LRRTM3: variants seen among roughly 807,000 people sequenced by gnomAD.
LRRTM3 encodes the protein leucine-rich repeat transmembrane neuronal protein 3.
LRRTM3 carries 24 observed loss-of-function variants against 44.7 expected under a neutral mutation model. The ratio of observed to expected loss-of-function variants is 0.54; its 90% confidence interval spans 0.39 to 0.76. The LOEUF is 0.76. Ranked by LOEUF, LRRTM3 falls within the 30% of genes least tolerant of loss-of-function variation. The probability of loss-of-function intolerance (pLI) is 0.00; values close to 1 mark genes in which losing one functional copy is unlikely to be tolerated. For missense variants in LRRTM3, 587 were observed against 702.2 expected (o/e 0.84, Z 1.85); for synonymous variants, 277 against 278.7 (o/e 0.99, Z 0.06).
Position 66,926,596 on chromosome 10 carries a change from T to G in LRRTM3, c.4+9T>G. ...AACAATACAAAGGATGGGTATGTTT[T>G]GTCATTTTTCTTCTTTCCTTCTTAA... On this transcript the variant is annotated intron_variant, in intron 1 of 2. Transcript: ENST00000361320. The G allele has an allele frequency of 6.2e-7, 1 of 1,614,032 alleles. No homozygotes were observed. Among genetic ancestry groups the G allele is most frequent in the Non-Finnish European group, 8.5e-7 (1 of 1,180,002 alleles).
At chr10:67,094,121 A>G (rs1205620118) in intron 2 of LRRTM3, among the ~76,000 whole-genome samples, 1 of 152,022 alleles carries the variant, frequency 6.6e-6, no homozygotes, top group Admixed American at 6.6e-5. Context: ...TACAAACAAT[A>G]TATGTAATAT....
chr10:67,041,574 A>G (rs1268408682), intron 2 of LRRTM3, among the ~76,000 whole-genome samples: 1 of 152,138 alleles, frequency 6.6e-6, no homozygotes, highest in African/African-American at 2.4e-5. Context: ...TGACTGGCTC[A>G]TAAAAGCAAT....
intron 2 of LRRTM3, among the ~76,000 whole-genome samples, chr10:66,993,335 C>T (rs2132944285): frequency 6.6e-6 from 1 of 152,274 alleles, no homozygotes; most frequent in South Asian, 2.1e-4. Flanking sequence ...AAAGCCACCT[C>T]TGCCTTATTC....
chr10:67,068,679 TATC>T (rs949823499), intron 2 of LRRTM3, among the ~76,000 whole-genome samples: 2 of 152,164 alleles, frequency 1.3e-5, no homozygotes, highest in African/African-American at 4.8e-5. Flanking sequence ...TAAAATGAGT[TATC>T]AACAGCAAAT....
chr10:66,963,362 G>T (rs911934670), intron 2 of LRRTM3, among the ~76,000 whole-genome samples: 93 of 152,254 alleles, frequency 6.1e-4, no homozygotes, highest in African/African-American at 2.1e-3. Flanking sequence ...TTTGCTTGTA[G>T]TATGGAAAAT....
chr10:67,088,735 AATT>A (rs1857447823), intron 2 of LRRTM3, among the ~76,000 whole-genome samples: 1 of 152,166 alleles, frequency 6.6e-6, no homozygotes, highest in South Asian at 2.1e-4. Flanking sequence ...CCACTAAAAG[AATT>A]ATTATTATGT....
At position 66,926,986 on chromosome 10, in the gene LRRTM3, C is replaced by A. The variant is rs1461090208; in HGVS notation, c.70C>A (p.Leu24Met). 1 of 1,614,140 alleles carries A rather than the reference C, an allele frequency of 6.2e-7. No individual in the cohort carries two copies. Among genetic ancestry groups the A allele is most frequent in the Admixed American group, 1.7e-5 (1 of 60,018 alleles). ...VALVIAPTVL[L>M]TMLSSAERGC... ...ACTGGTTATAGCCCCCACTGTCTTA[C>A]TGACAATGCTTTCTTCTGCCGAACG... Residue 24 changes from leucine to methionine, a missense_variant, in exon 2 of 3, where the codon CTG becomes ATG. This residue lies in a region of LRRTM3 where 50 missense variants were observed against 43.4 expected (regional missense o/e 1.15). Transcript: ENST00000361320.
Position 66,976,702 on chromosome 10 carries a change from TTCG to T in LRRTM3, c.1536+48253_1536+48255del, listed in dbSNP as rs1330458031. On this transcript the variant is annotated intron_variant, in intron 2 of 2. Coordinates refer to ENST00000361320, the MANE Select transcript of LRRTM3 (RefSeq NM_178011.5). ...CTGCCACACTGATCTATTTACTTTCTTCGTCAATACAATTTTATTCTCTGAACT... is the reference window on the plus strand; with the variant it reads ...CTGCCACACTGATCTATTTACTTTCTTCAATACAATTTTATTCTCTGAACT... Among the ~76,000 whole-genome samples the T allele has an allele frequency of 2.0e-5, 3 of 152,234 alleles. No individual in the cohort carries two copies. In the East Asian group the frequency reaches 5.8e-4, roughly 29 times the overall value.
At chr10:66,999,364 A>G (rs1179117532) in intron 2 of LRRTM3, among the ~76,000 whole-genome samples, 1 of 152,130 alleles carries the variant, frequency 6.6e-6, no homozygotes, top group African/African-American at 2.4e-5. Flanking sequence ...TCAAGAAAAA[A>G]CTTGGGATTC....
intron 2 of LRRTM3, among the ~76,000 whole-genome samples, chr10:66,995,806 C>T (rs1175429199): frequency 6.6e-6 from 1 of 152,170 alleles, no homozygotes; most frequent in Non-Finnish European, 1.5e-5. Flanking sequence ...AGGTCTAATA[C>T]AAGCATTACT....
chr10:66,959,658 C>T (rs1161293112), intron 2 of LRRTM3, among the ~76,000 whole-genome samples: 2 of 152,130 alleles, frequency 1.3e-5, no homozygotes, highest in African/African-American at 4.8e-5. Context: ...TGTGCCAATG[C>T]CCCCATTCTA....
In LRRTM3 at chr10:66,928,127, C is replaced by A. The variant is rs747748916; in HGVS notation, c.1211C>A (p.Pro404His). ...CCCCCGACGGTGGGAGCCACAGAGC[C>A]CGGCCCAGAGACCGATGCTGACGCC... ...PLPPTVGATE[P>H]GPETDADAEH... The change falls in exon 2 of 3, where the codon CCC becomes CAC. Residue 404 changes from proline to histidine, a missense_variant. By Grantham distance (77) the Pro-to-His change is moderately conservative. Around this residue, in one of 3 missense-constraint regions of LRRTM3, gnomAD observed 315 missense variants for 335.6 expected, o/e 0.94. Coordinates refer to ENST00000361320, the MANE Select transcript of LRRTM3 (RefSeq NM_178011.5). 1.2e-6 allele frequency: 2 copies of A among 1,613,948 alleles called. No homozygotes were observed. Among genetic ancestry groups the A allele is most frequent in the South Asian group, 1.1e-5 (1 of 91,064 alleles).
intron 2 of LRRTM3, among the ~76,000 whole-genome samples, chr10:67,054,431 A>G (rs565847359): frequency 1.3e-5 from 2 of 152,288 alleles, no homozygotes; most frequent in East Asian, 1.9e-4. Flanking sequence ...CACCAAGTCA[A>G]TCTGAGCTTC....
chr10:66,933,481 G>A (rs1211624400), intron 2 of LRRTM3, among the ~76,000 whole-genome samples: 2 of 152,138 alleles, frequency 1.3e-5, no homozygotes, highest in Non-Finnish European at 2.9e-5. Flanking sequence ...AATCCTTGTT[G>A]ACTTTACACT....
chr10:66,947,078 A>T (rs927317610), intron 2 of LRRTM3, among the ~76,000 whole-genome samples: 1 of 152,144 alleles, frequency 6.6e-6, no homozygotes, highest in Non-Finnish European at 1.5e-5. Context: ...TCTCCAGGGC[A>T]GCCTTCTTTC....
chr10:67,013,098 A>G (rs1331482520), intron 2 of LRRTM3: 1 of 152,174 alleles, frequency 6.6e-6, no homozygotes, highest in Non-Finnish European at 1.5e-5. Context: ...TAGGAAAGAC[A>G]TCATCTTTCA....
chr10:67,007,954 A>G (rs530919475), intron 2 of LRRTM3, among the ~76,000 whole-genome samples: 3 of 152,160 alleles, frequency 2.0e-5, no homozygotes, highest in African/African-American at 7.2e-5. Context: ...AAATGGACTC[A>G]AGCTACCCAC....
intron 2 of LRRTM3, among the ~76,000 whole-genome samples, chr10:66,943,856 C>T (rs183742124): frequency 6.6e-6 from 1 of 152,272 alleles, no homozygotes; most frequent in Non-Finnish European, 1.5e-5. Context: ...TGCAGTAGCA[C>T]TATGTCAAAG....
At chr10:66,973,426 A>G (rs1467064045) in intron 2 of LRRTM3, among the ~76,000 whole-genome samples, 1 of 152,212 alleles carries the variant, frequency 6.6e-6, no homozygotes, top group Admixed American at 6.5e-5. Flanking sequence ...TAAATTGAAC[A>G]ATAAAGTATC....
Sources: allele counts gnomAD v4.1 joint callset (sites outside exome capture counted in the v4.1 genomes callset), GRCh38; gene constraint gnomAD v4.1.1; regional missense constraint gnomAD v4.1.1; transcripts MANE v1.5; gene names NCBI Gene and HGNC (gene_info 2026-07-23, HGNC 2026-07-21).